GINS3: variants seen among roughly 807,000 people sequenced by gnomAD.
The protein encoded by GINS3 is GINS complex subunit 3.
GINS3 carries 18 observed loss-of-function variants against 20.0 expected under a neutral mutation model. That is an observed-to-expected ratio of 0.90 (90% CI 0.62 to 1.33). The LOEUF (loss-of-function observed/expected upper bound fraction) is 1.33. Among genes scored for constraint, GINS3 ranks in the 40% most tolerant of loss-of-function variants. The pLI is 0.00. For missense variants in GINS3, 254 were observed against 273.6 expected, an observed-to-expected ratio of 0.93 and a Z score of 0.51; for synonymous variants, 109 against 107.0, an observed-to-expected ratio of 1.02 and a Z score of -0.12.
chr16:58,403,494 TAC>T (rs3833044), intron 2 of GINS3, 163 bp downstream of exon 2: 22,071 of 522,336 alleles, frequency 0.042, no homozygotes, highest in Middle Eastern at 0.056. Flanking sequence ...TTTACATATA[TAC>T]ACACACACAC....
chr16:58,392,904 C>A, intron 1 of GINS3, 117 bp downstream of exon 1: 1 of 1,141,950 alleles, frequency 8.8e-7, no homozygotes, highest in Non-Finnish European at 1.2e-6. Context: ...TTTCGAGGAG[C>A]CAGGGCCGAA....
intron 1 of GINS3, 28 bp downstream of exon 1, chr16:58,392,815 C>G (rs759056877): frequency 6.4e-6 from 10 of 1,558,228 alleles, no homozygotes; most frequent in Non-Finnish European, 7.8e-6. Context: ...GGGTCCTGCC[C>G]GGAAAGACTG....
intron 1 of GINS3, among the ~76,000 whole-genome samples, chr16:58,395,778 A>C (rs1171682083): frequency 1.3e-5 from 2 of 151,914 alleles, no homozygotes; most frequent in Non-Finnish European, 2.9e-5. Context: ...TCTTTTCCCC[A>C]CCTTTCCCCC....
chr16:58,395,332 TATA>T (rs1330612314), intron 1 of GINS3: 7 of 196,750 alleles, frequency 3.6e-5, no homozygotes, highest in Admixed American at 6.3e-5. Flanking sequence ...TATATATATA[TATA>T]TATTTTTTTT....
chr16:58,400,521 ACT>A (rs1226115768), intron 1 of GINS3, among the ~76,000 whole-genome samples: 1 of 152,158 alleles, frequency 6.6e-6, no homozygotes, highest in Admixed American at 6.5e-5. Context: ...GTTCAGGCAC[ACT>A]CTCATCAGTT....
At chr16:58,392,916 G>T in intron 1 of GINS3, 129 bp downstream of exon 1, 2 of 1,025,526 alleles carry the variant, frequency 2.0e-6, no homozygotes, top group Non-Finnish European at 2.7e-6. Context: ...AGGGCCGAAG[G>T]CGCTAACGAC....
At chr16:58,395,250 AT>A (rs778356186) in intron 1 of GINS3, 2,474 of 220,388 alleles carry the variant, frequency 0.011, no homozygotes, top group Middle Eastern at 0.014. Flanking sequence ...TAATTTTTGT[AT>A]TTTTTTTTTG....
Position 58,398,763 on chromosome 16 carries a change from A to AT in GINS3, c.187-4329dup, listed in dbSNP as rs1292363975. Among the ~76,000 whole-genome samples the AT allele has an allele frequency of 5.3e-5, 8 of 152,250 alleles. No homozygotes were observed. The East Asian group carries it at 1.5e-3, about 29-fold the overall frequency. On this transcript the variant is annotated intron_variant, in intron 1 of 2. Transcript: ENST00000318129. ...ACATTTTGAGATTTGGTCATTTACC[A>AT]TTTTTTATTTCTAGCTTAATTCCAC...
rs913897231 is a variant in GINS3 at position 58,404,885 on chromosome 16, G to T, written c.*156G>T. On this transcript the variant is annotated 3_prime_UTR_variant, in exon 3 of 3. Transcript: ENST00000318129. ...TTATAGGGAACTGGACATGCTGGAGGATGTGGGTGTCCCTGGCTCTGTGAG... is the reference window on the plus strand; with the variant it reads ...TTATAGGGAACTGGACATGCTGGAGTATGTGGGTGTCCCTGGCTCTGTGAG... The T allele has an allele frequency of 6.0e-5, 38 of 630,788 alleles. No individual in the cohort carries two copies. In the East Asian group the frequency reaches 1.0e-3, roughly 17 times the overall value. The allele number at this position is 630,788 out of a possible 1,614,324, so 39.1% of individuals were successfully genotyped here.
Position 58,403,094 on chromosome 16 carries a change from G to A in GINS3, c.187-4G>A. 1 of 1,611,812 alleles carries A rather than the reference G, an allele frequency of 6.2e-7. No individual in the cohort carries two copies. Among genetic ancestry groups the A allele is most frequent in the Admixed American group, 1.7e-5 (1 of 60,026 alleles). ...TTTAAAATCTACATTCATGCATGCT[G>A]CAGGGTTCCAAGCTTGAACTACCCT... On this transcript the variant is annotated splice_region_variant and splice_polypyrimidine_tract_variant and intron_variant, in intron 1 of 2. Transcript: ENST00000318129.
intron 1 of GINS3, among the ~76,000 whole-genome samples, chr16:58,397,197 T>G (rs1704461455): frequency 6.7e-6 from 1 of 148,882 alleles, no homozygotes; most frequent in Admixed American, 6.7e-5. Flanking sequence ...GAGGGTCTCC[T>G]CACTTCTCAG....
rs1170043016 is a variant in GINS3 at position 58,392,840 on chromosome 16, C to G, written c.186+53C>G. 7 of 1,506,534 alleles carry G rather than the reference C, an allele frequency of 4.6e-6. No individual in the cohort carries two copies. In the African/African-American group the frequency reaches 9.7e-5, roughly 21 times the overall value. The allele number at this position is 1,506,534 out of a possible 1,614,324, so 93.3% of individuals were successfully genotyped here. A position where few individuals can be genotyped will look rare whatever the true frequency, so the allele number is the denominator to read the frequency against. ...CGGAAAGACTGCAGCTCCCGGCGGG[C>G]CCCTCGGCCCTGGGACGCCGCATCG... On this transcript the variant is annotated intron_variant, in intron 1 of 2. Transcript: ENST00000318129.
chr16:58,402,303 G>A (rs1351037745), intron 1 of GINS3, among the ~76,000 whole-genome samples: 1 of 152,102 alleles, frequency 6.6e-6, no homozygotes, highest in East Asian at 1.9e-4. Context: ...CAAATAGGGG[G>A]CTTACTTCCC....
intron 2 of GINS3, chr16:58,403,637 C>T (rs1005146153): frequency 3.5e-5 from 12 of 342,306 alleles, no homozygotes; most frequent in Admixed American, 9.2e-5. Flanking sequence ...TGGCTCACAC[C>T]TGTAATCCCA....
intron 1 of GINS3, among the ~76,000 whole-genome samples, chr16:58,395,731 G>C (rs1014609269): frequency 4.6e-5 from 7 of 152,148 alleles, no homozygotes; most frequent in Non-Finnish European, 7.4e-5. Flanking sequence ...ACGTCTACTT[G>C]TTTCTACACA....
intron 1 of GINS3, among the ~76,000 whole-genome samples, chr16:58,400,973 C>A (rs942407041): frequency 2.2e-4 from 33 of 152,122 alleles, no homozygotes; most frequent in Middle Eastern, 6.8e-3. Context: ...CACCACTATG[C>A]CTGGCTAATT....
chr16:58,402,157 A>G (rs1965964918), intron 1 of GINS3, among the ~76,000 whole-genome samples: 2 of 152,140 alleles, frequency 1.3e-5, no homozygotes, highest in African/African-American at 4.8e-5. Context: ...TCCAAATCCA[A>G]TCCAGTAAAC....
At chr16:58,393,655 A>T (rs1472821693) in intron 1 of GINS3, 3 of 152,124 alleles carry the variant, frequency 2.0e-5, no homozygotes, top group Non-Finnish European at 2.9e-5. Context: ...ATCCTGGCCA[A>T]CATGGTGAAA....
At chr16:58,397,036 T>C (rs1210849273) in intron 1 of GINS3, among the ~76,000 whole-genome samples, 113 of 100,556 alleles carry the variant, frequency 1.1e-3, no homozygotes, top group South Asian at 2.4e-3. Context: ...CCACCTCCCT[T>C]CCGGACAGGG....
Sources: gnomAD v4.1 joint callset for allele counts (sites outside exome capture counted in the v4.1 genomes callset) on GRCh38, gnomAD v4.1.1 for gene constraint, MANE v1.5 for transcripts, NCBI Gene and HGNC (gene_info 2026-07-23, HGNC 2026-07-21) for gene names.